Variants in PTPRM observed in about 807,000 individuals in gnomAD.
PTPRM encodes receptor-type tyrosine-protein phosphatase mu.
Under a neutral mutation model 186.7 loss-of-function variants are expected in PTPRM, and 47 were observed. The ratio of observed to expected loss-of-function variants is 0.25; its 90% CI spans 0.20 to 0.32. The LOEUF is 0.32. Ranked by LOEUF, PTPRM falls within the 10% of genes least tolerant of loss-of-function variation. The pLI is 1.00. For synonymous variants in PTPRM, 668 were observed against 674.9 expected, an observed-to-expected ratio of 0.99 and a Z score of 0.16; for missense variants, 1,494 against 1,865.0, an observed-to-expected ratio of 0.80 and a Z score of 3.66.
chr18:7,705,412 A>G (rs924440947), intron 1 of PTPRM, among the ~76,000 whole-genome samples: 1 of 150,418 alleles, frequency 6.6e-6, no homozygotes, highest in Non-Finnish European at 1.5e-5. Flanking sequence ...TCTCTTTCAA[A>G]GTTTTAATGG....
intron 7 of PTPRM, among the ~76,000 whole-genome samples, chr18:8,024,092 C>T (rs1266707246): frequency 6.6e-6 from 1 of 152,090 alleles, no homozygotes. Context: ...TATACTTTCT[C>T]TTAGGAAATC....
intron 7 of PTPRM, among the ~76,000 whole-genome samples, chr18:8,027,960 C>G (rs1600144901): frequency 6.6e-6 from 1 of 152,138 alleles, no homozygotes; most frequent in East Asian, 1.9e-4. Context: ...ATCACTGTCC[C>G]CTGGTTAGTT....
chr18:7,772,339 TTC>T (rs1568107875), intron 1 of PTPRM, among the ~76,000 whole-genome samples: 7 of 140,456 alleles, frequency 5.0e-5, no homozygotes, highest in Non-Finnish European at 8.0e-5. Flanking sequence ...TTTCTTTTCT[TTC>T]TTTCTTTCTC....
intron 2 of PTPRM, among the ~76,000 whole-genome samples, chr18:7,837,967 G>A (rs548357705): frequency 6.6e-6 from 1 of 152,252 alleles, no homozygotes; most frequent in South Asian, 2.1e-4. Flanking sequence ...GGACTTGGGT[G>A]TTATGGTCTA....
At chr18:7,569,467 G>C (rs1171865694) in intron 1 of PTPRM, among the ~76,000 whole-genome samples, 3 of 152,200 alleles carry the variant, frequency 2.0e-5, no homozygotes, top group Non-Finnish European at 4.4e-5. Context: ...TTTGGTCTGT[G>C]TTCTTATTAG....
intron 14 of PTPRM, among the ~76,000 whole-genome samples, chr18:8,148,949 AGTTG>A (rs2092944122): frequency 1.3e-5 from 2 of 152,168 alleles, no homozygotes; most frequent in East Asian, 3.8e-4. Context: ...GTTTCCCTGT[AGTTG>A]TGCTGATTTG....
intron 7 of PTPRM, among the ~76,000 whole-genome samples, chr18:8,030,625 G>A (rs371865796): frequency 2.0e-4 from 30 of 152,260 alleles, no homozygotes; most frequent in East Asian, 3.9e-4. Context: ...TATTGAAAAC[G>A]TTTTGTCTGT....
intron 14 of PTPRM, among the ~76,000 whole-genome samples, chr18:8,210,869 A>G (rs1453724139): frequency 6.6e-6 from 1 of 152,214 alleles, no homozygotes; most frequent in African/African-American, 2.4e-5. Flanking sequence ...CAAACCAGGA[A>G]GGATAGTTCC....
chr18:8,286,839 G>A (rs548681048), intron 19 of PTPRM, among the ~76,000 whole-genome samples: 3 of 152,066 alleles, frequency 2.0e-5, no homozygotes, highest in Non-Finnish European at 4.4e-5. Context: ...CATGACTTAA[G>A]TATTGCAGGA....
chr18:8,254,127 G>A (rs1263265092), intron 19 of PTPRM, among the ~76,000 whole-genome samples: 1 of 152,108 alleles, frequency 6.6e-6, no homozygotes, highest in African/African-American at 2.4e-5. Context: ...AGCAGTACAG[G>A]GACTGGCTAT....
chr18:7,884,924 C>CA (rs56724615), intron 2 of PTPRM, among the ~76,000 whole-genome samples: 19,681 of 37,718 alleles, frequency 0.52, 7,650 homozygotes, highest in Non-Finnish European at 0.57. Flanking sequence ...AGCTCCATCT[C>CA]AAAAAAAAAA....
At chr18:8,223,906 C>G (rs1343198070) in intron 14 of PTPRM, among the ~76,000 whole-genome samples, 5 of 152,186 alleles carry the variant, frequency 3.3e-5, no homozygotes, top group African/African-American at 1.2e-4. Flanking sequence ...AGTGTTCTCT[C>G]TTAACTCTTG....
At chr18:8,189,143 A>G (rs949047956) in intron 14 of PTPRM, among the ~76,000 whole-genome samples, 1 of 152,092 alleles carries the variant, frequency 6.6e-6, no homozygotes. Flanking sequence ...TCTACAAAAA[A>G]TAAATTAGCC....
chr18:8,005,059 G>A (rs1234332986), intron 7 of PTPRM, among the ~76,000 whole-genome samples: 1 of 152,188 alleles, frequency 6.6e-6, no homozygotes, highest in Non-Finnish European at 1.5e-5. Flanking sequence ...AAAAGCACAT[G>A]TGCAGCTTGT....
chr18:7,827,776 A>C (rs143968252), intron 2 of PTPRM, among the ~76,000 whole-genome samples: 1 of 152,346 alleles, frequency 6.6e-6, no homozygotes, highest in African/African-American at 2.4e-5. Flanking sequence ...TGCCCATGTC[A>C]ATACATTTAT....
At chr18:8,378,074 C>G in intron 26 of PTPRM, 191 bp from the exon 27 acceptor site, 1 of 566,924 alleles carries the variant, frequency 1.8e-6, no homozygotes, top group South Asian at 2.4e-5. Context: ...GTATTGGGTC[C>G]GATTGGTTTT....
At chr18:7,729,572 A>G (rs949430112) in intron 1 of PTPRM, among the ~76,000 whole-genome samples, 1 of 152,184 alleles carries the variant, frequency 6.6e-6, no homozygotes, top group African/African-American at 2.4e-5. Flanking sequence ...TAGTCAAGGT[A>G]GAGTTGATGT....
chr18:7,638,146 A>C (rs1190699783), intron 1 of PTPRM, among the ~76,000 whole-genome samples: 1 of 152,164 alleles, frequency 6.6e-6, no homozygotes, highest in East Asian at 1.9e-4. Flanking sequence ...TGCCCCTTCT[A>C]CTCTACCCTA....
intron 2 of PTPRM, among the ~76,000 whole-genome samples, chr18:7,787,193 A>G (rs530592162): frequency 2.7e-4 from 41 of 152,212 alleles, no homozygotes; most frequent in Non-Finnish European, 5.0e-4. Context: ...CCCAATTTAC[A>G]TAAGTGATCT....
Sources: gnomAD v4.1 joint callset for allele counts (sites outside exome capture counted in the v4.1 genomes callset) on GRCh38, gnomAD v4.1.1 for gene constraint, MANE v1.5 for transcripts, NCBI Gene and HGNC (gene_info 2026-07-23, HGNC 2026-07-21) for gene names.